ZNF460: variants seen among roughly 807,000 people sequenced by gnomAD.
ZNF460 encodes the protein zinc finger protein 460.
Under a neutral mutation model 8.4 loss-of-function variants are expected in ZNF460, and 1 was observed. The observed-to-expected ratio is 0.12, with a 90% CI of 0.04 to 0.56. ZNF460 has a LOEUF of 0.56. ZNF460 is among the 20% of genes least tolerant of loss of function. The pLI is 0.91. For missense variants in ZNF460, 477 were observed against 714.8 expected (o/e 0.67, Z 3.79); for synonymous variants, 262 against 259.9 (o/e 1.01, Z -0.08).
intron 1 of ZNF460, among the ~76,000 whole-genome samples, chr19:57,284,101 CAG>C (rs2087861646): frequency 6.6e-6 from 1 of 152,140 alleles, no homozygotes; most frequent in Non-Finnish European, 1.5e-5. Flanking sequence ...TCTAATATGT[CAG>C]AGCACTTACT....
Position 57,280,567 on chromosome 19 carries a change from C to G in ZNF460, c.-240C>G. On this transcript the variant is annotated 5_prime_UTR_variant, in exon 1 of 3. Coordinates refer to ENST00000360338, the MANE Select transcript of ZNF460 (RefSeq NM_006635.4). ...GGGTAGTGAAGCGGTTACGCCCCTT[C>G]TTCGCGTCTTGGCGGGAGCCTGACG... 1.7e-6 allele frequency: 1 copy of G among 589,198 alleles called. No individual in the cohort carries two copies. Among genetic ancestry groups the G allele is most frequent in the Non-Finnish European group, 3.0e-6 (1 of 332,102 alleles). 36.5% of individuals were successfully genotyped at this position (589,198 alleles called of 1,614,324 possible).
rs771810060 is a variant in ZNF460 at position 57,280,839 on chromosome 19, G to A, written c.30+3G>A. The A allele has an allele frequency of 3.7e-6, 6 of 1,614,032 alleles. No individual in the cohort carries two copies. In the East Asian group the frequency reaches 1.1e-4, roughly 30 times the overall value. On this transcript the variant is annotated splice_donor_region_variant and intron_variant, in intron 1 of 2. Transcript: ENST00000360338. ...CGGCGTGGATGGCTCCGGCGCAGGTGAGTGGACGAGGTTTCGGCCTTGCTG... is the reference window on the plus strand; with the variant it reads ...CGGCGTGGATGGCTCCGGCGCAGGTAAGTGGACGAGGTTTCGGCCTTGCTG...
Position 57,280,826 on chromosome 19 carries a change from C to T in ZNF460, c.20C>T (p.Ala7Val), listed in dbSNP as rs554692094. MAAAWM[A>V]PAQESVTFED... ...CCCGGGATGGCGGCGGCGTGGATGG[C>T]TCCGGCGCAGGTGAGTGGACGAGGT... is the stretch of plus-strand genomic sequence containing the variant. Residue 7 changes from alanine to valine, a missense_variant, in exon 1 of 3, where the codon GCT (alanine) becomes GTT (valine). This residue lies in a region of ZNF460 where 22 missense variants were observed against 22.3 expected (regional missense o/e 0.99). Coordinates refer to ENST00000360338, the MANE Select transcript of ZNF460 (RefSeq NM_006635.4). The T allele has an allele frequency of 1.9e-6, 3 of 1,614,136 alleles. No individual in the cohort carries two copies. The highest frequency in any genetic ancestry group is 1.1e-5 in the South Asian group (1 of 91,080).
Position 57,291,997 on chromosome 19 carries a change from A to G in ZNF460, c.1456A>G (p.Asn486Asp). 6.2e-7 allele frequency: 1 copy of G among 1,614,144 alleles called. No individual in the cohort carries two copies. The highest frequency in any genetic ancestry group is 8.5e-7 in the Non-Finnish European group (1 of 1,180,022). Residue 486 changes from asparagine (N) to aspartate (D), a missense_variant, in exon 3 of 3, where the codon AAC (asparagine) becomes GAC (aspartate). This residue lies in a region of ZNF460 where 193 missense variants were observed against 391.7 expected (regional missense o/e 0.49). Coordinates refer to ENST00000360338, the MANE Select transcript of ZNF460 (RefSeq NM_006635.4). This position sits in a 1 kb window ranked among gnomAD's most constrained non-coding sequence, Gnocchi z 8.4. ...ATGCGTGGAGTGCGGGAAGGCCTTCAACCGCAGGTCACCCCTCACAAGGCA... is the reference window on the plus strand; with the variant it reads ...ATGCGTGGAGTGCGGGAAGGCCTTCGACCGCAGGTCACCCCTCACAAGGCA... ...YECVECGKAF[N>D]RRSPLTRHQR... is the part of the protein sequence containing the mutation.
In ZNF460 at chr19:57,293,658, T is replaced by C. The variant is rs2087935114; in HGVS notation, c.*1428T>C. 1 of 152,192 alleles carries C rather than the reference T, an allele frequency of 6.6e-6. No homozygotes were observed. Among genetic ancestry groups the C allele is most frequent in the Admixed American group, 6.5e-5 (1 of 15,272 alleles). The allele number at this position is 152,192 out of a possible 1,614,324, so 9.4% of individuals were successfully genotyped here. On this transcript the variant is annotated 3_prime_UTR_variant, in exon 3 of 3. Transcript: ENST00000360338. ...GTCTGCTTTTCTAGCTATTTGAAAA[T>C]ATAAAATGTATTATTGCCAATTGTA...
At chr19:57,290,278 C>T (rs1422223344) in intron 2 of ZNF460, among the ~76,000 whole-genome samples, 1 of 152,148 alleles carries the variant, frequency 6.6e-6, no homozygotes, top group Non-Finnish European at 1.5e-5. Context: ...GCATGAGCCA[C>T]CATGCCTGGC....
intron 2 of ZNF460, among the ~76,000 whole-genome samples, chr19:57,285,977 T>G (rs1037921348): frequency 1.3e-5 from 2 of 152,248 alleles, no homozygotes; most frequent in Non-Finnish European, 2.9e-5. Flanking sequence ...GGCAAAGTAC[T>G]GAACTCCTCT....
At chr19:57,283,524 T>TTTTTTTC (rs2087856230) in intron 1 of ZNF460, among the ~76,000 whole-genome samples, 1 of 127,374 alleles carries the variant, frequency 7.9e-6, no homozygotes, top group African/African-American at 3.0e-5. Context: ...TTTTTTTTTT[T>TTTTTTTC]TTGAGACAGA....
rs148180698 is a variant in ZNF460 at position 57,292,054 on chromosome 19, G to C, written c.1513G>C (p.Glu505Gln). 8.7e-6 allele frequency: 14 copies of C among 1,614,050 alleles called. No homozygotes were observed. Among genetic ancestry groups the C allele is most frequent in the Admixed American group, 1.7e-5 (1 of 60,008 alleles). ...GATTCACACTGCAGAGAAGTCCCAC[G>C]AACCCATCCAGAGTGGGAACGTTTC... ...QRIHTAEKSH[E>Q]PIQSGNVSCE... The change falls in exon 3 of 3, where the codon GAA (glutamate) becomes CAA (glutamine). Residue 505 changes from glutamate (E) to glutamine (Q), a missense_variant. Physicochemically the swap from Glu to Gln is conservative, Grantham distance 29. Coordinates refer to ENST00000360338, the MANE Select transcript of ZNF460 (RefSeq NM_006635.4).
At chr19:57,288,738 T>C (rs141346657) in intron 2 of ZNF460, among the ~76,000 whole-genome samples, 22 of 152,334 alleles carry the variant, frequency 1.4e-4, no homozygotes, top group African/African-American at 4.8e-4. Flanking sequence ...TTGGGCCGTC[T>C]TAGATTCTCT....
chr19:57,286,694 G>A (rs894772827), intron 2 of ZNF460, among the ~76,000 whole-genome samples: 1 of 152,122 alleles, frequency 6.6e-6, no homozygotes, highest in Non-Finnish European at 1.5e-5. Context: ...AGGAGTGGTG[G>A]CTCACACCTG....
chr19:57,282,530 G>T (rs896892032), intron 1 of ZNF460, among the ~76,000 whole-genome samples: 9 of 152,220 alleles, frequency 5.9e-5, no homozygotes, highest in Non-Finnish European at 1.3e-4. Flanking sequence ...GGTGGATGAT[G>T]ATGACTACAC....
chr19:57,292,157 C>A lies in ZNF460; in HGVS notation c.1616C>A (p.Thr539Lys). The change falls in exon 3 of 3, where the codon ACG (threonine) becomes AAG (lysine). Residue 539 changes from threonine (T) to lysine (K), a missense_variant. By Grantham distance (78) the Thr-to-Lys change is moderately conservative. This residue lies in a region of ZNF460 where 83 missense variants were observed against 82.3 expected (regional missense o/e 1.01). Coordinates refer to ENST00000360338, the MANE Select transcript of ZNF460 (RefSeq NM_006635.4). ...CCAGTGAGTGCAGTGAATATGGAAA[C>A]GCCTTCAATTGCCGCTCATTCCTCC... ...SSPVSAVNME[T>K]PSIAAHSSSL... 1 of 1,614,186 alleles carries A rather than the reference C, an allele frequency of 6.2e-7. No individual in the cohort carries two copies. The highest frequency in any genetic ancestry group is 8.5e-7 in the Non-Finnish European group (1 of 1,180,040).
At position 57,293,544 on chromosome 19, in the gene ZNF460, CAT is replaced by C. The variant is rs1280648414; in HGVS notation, c.*1315_*1316del. 4 of 152,266 alleles carry C rather than the reference CAT, an allele frequency of 2.6e-5. No homozygotes were observed. The highest frequency in any genetic ancestry group is 9.6e-5 in the African/African-American group (4 of 41,548). The allele number at this position is 152,266 out of a possible 1,614,324, so 9.4% of individuals were successfully genotyped here. On this transcript the variant is annotated 3_prime_UTR_variant, in exon 3 of 3. Coordinates refer to ENST00000360338, the MANE Select transcript of ZNF460 (RefSeq NM_006635.4). ...TGGGGTTTGGTGTGATATTTCAATA[CAT>C]GTGTGCTAAGAGTAATGATCAAATC...
chr19:57,289,713 C>G (rs191989150), intron 2 of ZNF460, among the ~76,000 whole-genome samples: 1 of 151,982 alleles, frequency 6.6e-6, no homozygotes, highest in African/African-American at 2.4e-5. Context: ...TTAAAAATTT[C>G]AAGAGTTGGC....
rs1192782075 is a variant in ZNF460 at position 57,293,891 on chromosome 19, T to G, written c.*1661T>G. ...GTCTAGCTTATTTCACTTAATGTCT[T>G]TCAAGCTCATTCATGTTGCTGTGAA... is the stretch of plus-strand genomic sequence containing the variant. On this transcript the variant is annotated 3_prime_UTR_variant, in exon 3 of 3. Transcript: ENST00000360338. 6.6e-6 allele frequency: 1 copy of G among 152,352 alleles called. No homozygotes were observed. The highest frequency in any genetic ancestry group is 1.9e-4 in the East Asian group (1 of 5,182). The allele number at this position is 152,352 out of a possible 1,614,324, so 9.4% of individuals were successfully genotyped here.
intron 1 of ZNF460, 68 bp from the exon 2 acceptor site, chr19:57,284,483 G>T: frequency 6.4e-7 from 1 of 1,565,356 alleles, no homozygotes; most frequent in Non-Finnish European, 8.7e-7. Flanking sequence ...TGCAGTGCTG[G>T]AGTGACAGGT....
Position 57,292,020 on chromosome 19 carries a change from G to C in ZNF460, c.1479G>C (p.Arg493Ser). 1.2e-6 allele frequency: 2 copies of C among 1,614,184 alleles called. No individual in the cohort carries two copies. The highest frequency in any genetic ancestry group is 1.7e-6 in the Non-Finnish European group (2 of 1,180,046). Reference protein sequence around the residue: ...KAFNRRSPLTRHQRIHTAEKS... With the variant: ...KAFNRRSPLTSHQRIHTAEKS... ...TCAACCGCAGGTCACCCCTCACAAG[G>C]CACCAGCGGATTCACACTGCAGAGA... Residue 493 changes from arginine to serine, a missense_variant, in exon 3 of 3, where the codon AGG (arginine) becomes AGC (serine). Coordinates refer to ENST00000360338, the MANE Select transcript of ZNF460 (RefSeq NM_006635.4).
chr19:57,287,983 C>T (rs556750087), intron 2 of ZNF460, among the ~76,000 whole-genome samples: 1 of 152,074 alleles, frequency 6.6e-6, no homozygotes, highest in South Asian at 2.1e-4. Context: ...AGCGAGACCC[C>T]ATCTCAAAAA....
Sources: gnomAD v4.1 joint callset for allele counts (sites outside exome capture counted in the v4.1 genomes callset) on GRCh38, gnomAD v4.1.1 for gene constraint, gnomAD v4.1.1 regional missense constraint, Gnocchi (gnomAD v3.1) non-coding constraint, MANE v1.5 for transcripts, NCBI Gene and HGNC (gene_info 2026-07-23, HGNC 2026-07-21) for gene names.